SLC12A7: variants seen among roughly 807,000 people sequenced by gnomAD.
SLC12A7 encodes the protein solute carrier family 12 member 7, also known as K-Cl cotransporter 4.
In SLC12A7, 100 loss-of-function variants were observed where a neutral mutation model predicts 120.6. The ratio of observed to expected loss-of-function variants is 0.83; its 90% CI spans 0.71 to 0.98. The LOEUF (loss-of-function observed/expected upper bound fraction) is 0.98. Among genes scored for constraint, SLC12A7 ranks in the 50% least tolerant of loss-of-function variants. The probability of loss-of-function intolerance (pLI) is 0.00; values close to 1 mark genes in which losing one functional copy is unlikely to be tolerated. For synonymous variants in SLC12A7, 760 were observed against 678.0 expected, an observed-to-expected ratio of 1.12 and a Z score of -1.88; for missense variants, 1,373 against 1,548.1, an observed-to-expected ratio of 0.89 and a Z score of 1.90.
At chr5:1,112,072 G>A, upstream of SLC12A7, 1 of 1,192,568 alleles carries the variant, frequency 8.4e-7, no homozygotes, top group Non-Finnish European at 1.0e-6. Flanking sequence ...CTTGGAGGCA[G>A]GGGCGGGGTC....
the SLC12A7 span, among the ~76,000 whole-genome samples, chr5:1,131,459 A>G: frequency 1.8e-3 from 276 of 152,332 alleles, no homozygotes; most frequent in African/African-American, 6.3e-3. Context: ...CCTGAGGCAC[A>G]GTCCTGCACG....
At chr5:1,142,336 C>T in the SLC12A7 span, among the ~76,000 whole-genome samples, 3 of 96,508 alleles carry the variant, frequency 3.1e-5, no homozygotes, top group Non-Finnish European at 6.2e-5. Flanking sequence ...CTCTCCTCTC[C>T]CCTCTCCCCT....
At chr5:1,118,222 G>T in the SLC12A7 span, among the ~76,000 whole-genome samples, 1 of 152,202 alleles carries the variant, frequency 6.6e-6, no homozygotes, top group Non-Finnish European at 1.5e-5. Flanking sequence ...TAAAACTCCG[G>T]TCTCCTGCAC....
the SLC12A7 span, among the ~76,000 whole-genome samples, chr5:1,129,598 C>T: frequency 2.0e-5 from 3 of 149,606 alleles, no homozygotes; most frequent in African/African-American, 7.4e-5. Context: ...GCTGGGGCAT[C>T]GGCCAACCCC....
intron 4 of SLC12A7, 142 bp from the exon 5 acceptor site, chr5:1,088,502 T>G (rs1740136154): frequency 1.1e-6 from 1 of 896,516 alleles, no homozygotes; most frequent in African/African-American, 1.7e-5. Flanking sequence ...ATGGAGTGGC[T>G]AGGAAACAGG....
At chr5:1,075,615 T>G in intron 14 of SLC12A7, 125 bp from the exon 15 acceptor site, 2 of 1,368,812 alleles carry the variant, frequency 1.5e-6, no homozygotes, top group South Asian at 3.0e-5. Flanking sequence ...AAACAGTCAC[T>G]GACGCCTGAC....
intron 1 of SLC12A7, among the ~76,000 whole-genome samples, chr5:1,102,452 G>A (rs937914702): frequency 6.6e-6 from 1 of 152,192 alleles, no homozygotes; most frequent in South Asian, 2.1e-4. Flanking sequence ...GGATTTTACA[G>A]CCATTCTCCG....
At chr5:1,060,321 CTG>C in intron 21 of SLC12A7, 21 bp downstream of exon 21, 3 of 1,572,718 alleles carry the variant, frequency 1.9e-6, no homozygotes, top group South Asian at 2.2e-5. Context: ...AGCCTGGTGT[CTG>C]TGGCCACGGC....
In SLC12A7 at chr5:1,075,625, C is replaced by T. The variant is rs184928960; in HGVS notation, c.1848-135G>A. On this transcript the variant is annotated intron_variant, in intron 14 of 23. Coordinates refer to ENST00000264930, the MANE Select transcript of SLC12A7 (RefSeq NM_006598.3). ...TAGGAAAACAGTCACTGACGCCTGA[C>T]GACCATGGCTGTACTCAACCACCTC... 6.5e-4 allele frequency: 870 copies of T among 1,340,160 alleles called. 11 individuals are homozygous for T. The highest frequency in any genetic ancestry group is 6.4e-3 in the South Asian group (420 of 65,690). The allele number at this position is 1,340,160 out of a possible 1,614,324, so 83.0% of individuals were successfully genotyped here.
chr5:1,148,301 G>C, the SLC12A7 span, among the ~76,000 whole-genome samples: 1 of 142,812 alleles, frequency 7.0e-6, no homozygotes, highest in Non-Finnish European at 1.5e-5. Flanking sequence ...CCGCCTCCCA[G>C]GTTCACACCA....
At chr5:1,073,604 G>T in intron 17 of SLC12A7, 29 bp downstream of exon 17, 1 of 1,582,006 alleles carries the variant, frequency 6.3e-7, no homozygotes. Flanking sequence ...TGGGAAAGAG[G>T]CCTGGCCCCC....
intron 22 of SLC12A7, 37 bp downstream of exon 22, chr5:1,057,434 G>T (rs1031334785): frequency 3.8e-6 from 6 of 1,574,298 alleles, no homozygotes; most frequent in Non-Finnish European, 5.2e-6. Context: ...GCACTGCCAG[G>T]ATCTGTTCCC....
chr5:1,149,037 C>T, the SLC12A7 span, among the ~76,000 whole-genome samples: 2 of 149,920 alleles, frequency 1.3e-5, no homozygotes, highest in African/African-American at 5.0e-5. Context: ...TTGCTTCCAC[C>T]TGTGTCTACC....
At position 1,051,249 on chromosome 5, in the gene SLC12A7, CCAGA is replaced by C. The variant is rs1387150918; in HGVS notation, c.*1107_*1110del. 1.1e-5 allele frequency: 3 copies of C among 263,628 alleles called. No individual in the cohort carries two copies. Among genetic ancestry groups the C allele is most frequent in the Middle Eastern group, 2.2e-3 (2 of 912 alleles). The allele number at this position is 263,628 out of a possible 1,614,324, so 16.3% of individuals were successfully genotyped here. ...ATGGCAGGGGACGCCCGGGACTCAG[CCAGA>C]CAGACCTGACACCAGGCGCCACTGC... is the stretch of plus-strand genomic sequence containing the variant. On this transcript the variant is annotated 3_prime_UTR_variant, in exon 24 of 24. Transcript: ENST00000264930.
At chr5:1,074,752 C>A in intron 15 of SLC12A7, 81 bp from the exon 16 acceptor site, 3 of 1,349,022 alleles carry the variant, frequency 2.2e-6, no homozygotes, top group Non-Finnish European at 3.1e-6. Flanking sequence ...CTTCTGGGGG[C>A]AGGTGAGTTG....
the SLC12A7 span, among the ~76,000 whole-genome samples, chr5:1,119,533 C>T: frequency 1.3e-5 from 2 of 152,342 alleles, no homozygotes; most frequent in East Asian, 1.9e-4. Context: ...CAGCTGTGTG[C>T]GGCCGGCTCG....
chr5:1,054,008 G>A (rs1455368548), intron 22 of SLC12A7, among the ~76,000 whole-genome samples: 1 of 152,198 alleles, frequency 6.6e-6, no homozygotes, highest in Non-Finnish European at 1.5e-5. Flanking sequence ...CGGAAGCTCA[G>A]GAAGGAAAGG....
intron 1 of SLC12A7, among the ~76,000 whole-genome samples, chr5:1,111,449 G>A (rs977633547): frequency 2.0e-4 from 31 of 152,118 alleles, no homozygotes; most frequent in Admixed American, 2.0e-4. Flanking sequence ...TTACCGGACG[G>A]CCGCGGCGCA....
Position 1,077,914 on chromosome 5 carries a change from G to A in SLC12A7, c.1548C>T (p.Cys516=), listed in dbSNP as rs528126455. 261 of 1,600,052 alleles carry A rather than the reference G, an allele frequency of 1.6e-4. No individual in the cohort carries two copies. In the South Asian group the frequency reaches 1.8e-3, roughly 11 times the overall value. The change falls in exon 12 of 24, where the codon TGC becomes TGT. Residue 516 remains cysteine (C), a synonymous_variant. Coordinates refer to ENST00000264930, the MANE Select transcript of SLC12A7 (RefSeq NM_006598.3). ...CCGTGAGGCTCTGCAGGCCGGCACC[G>A]CAGGTGGAGAAGAAGGAGCCGATGA... ...VIVIGSFFST[C]GAGLQSLTGA...
Sources: allele counts gnomAD v4.1 joint callset (sites outside exome capture counted in the v4.1 genomes callset), GRCh38; gene constraint gnomAD v4.1.1; transcripts MANE v1.5; gene names NCBI Gene and HGNC (gene_info 2026-07-23, HGNC 2026-07-21).